THEMIS: variants seen among roughly 807,000 people sequenced by gnomAD.
The protein encoded by THEMIS is protein THEMIS.
Under a neutral mutation model 52.6 loss-of-function variants are expected in THEMIS, and 37 were observed. That is an observed-to-expected ratio of 0.70 (90% CI 0.54 to 0.93). The LOEUF is 0.93. Ranked by LOEUF, THEMIS falls within the 40% of genes least tolerant of loss-of-function variation. The probability of loss-of-function intolerance (pLI) is 0.00; values close to 1 mark genes in which losing one functional copy is unlikely to be tolerated. For synonymous variants in THEMIS, 292 were observed against 272.7 expected (o/e 1.07, Z -0.70); for missense variants, 808 against 763.1 (o/e 1.06, Z -0.69).
intron 4 of THEMIS, among the ~76,000 whole-genome samples, chr6:127,783,847 A>G (rs1171709967): frequency 6.6e-6 from 1 of 152,194 alleles, no homozygotes; most frequent in Non-Finnish European, 1.5e-5. Context: ...AAGGATCTAG[A>G]ACCTGAAATA....
intron 4 of THEMIS, among the ~76,000 whole-genome samples, chr6:127,801,491 A>C (rs1777533451): frequency 6.6e-6 from 1 of 152,186 alleles, no homozygotes; most frequent in South Asian, 2.1e-4. Flanking sequence ...CTGGAAAAGA[A>C]TGGGACCCTG....
chr6:127,897,164 A>C (rs890534466), intron 1 of THEMIS, among the ~76,000 whole-genome samples: 4 of 151,442 alleles, frequency 2.6e-5, no homozygotes, highest in African/African-American at 7.2e-5. Flanking sequence ...AAACCCAGAT[A>C]GACTACAGAT....
At chr6:127,723,952 A>G (rs1774452082) in intron 4 of THEMIS, among the ~76,000 whole-genome samples, 1 of 152,080 alleles carries the variant, frequency 6.6e-6, no homozygotes. Flanking sequence ...CTCTCATCTC[A>G]GGGTTTTAAA....
intron 1 of THEMIS, among the ~76,000 whole-genome samples, chr6:127,895,163 T>G (rs897228984): frequency 6.6e-6 from 1 of 151,252 alleles, no homozygotes; most frequent in Non-Finnish European, 1.5e-5. Flanking sequence ...AAGCAAAGAA[T>G]AGTTGGGAAC....
chr6:127,813,144 C>A lies in THEMIS; in HGVS notation c.1497G>T (p.Thr499=). The A allele has an allele frequency of 6.2e-7, 1 of 1,614,060 alleles. No homozygotes were observed. Among genetic ancestry groups the A allele is most frequent in the Non-Finnish European group, 8.5e-7 (1 of 1,180,006 alleles). The change falls in exon 4 of 6, where the codon ACG becomes ACT. Residue 499 remains threonine, a synonymous_variant. Transcript: ENST00000368248. The stretch of plus-strand genomic sequence containing the variant: ...GGCCCACAGGAATTTCCCAGCACTC[C>A]GTGGGGTTGGCAAAGTCACTTATGA... ...YLLISDFANP[T]ECWEIPVGRL...
chr6:127,744,988 A>AT (rs1355565620), intron 4 of THEMIS, among the ~76,000 whole-genome samples: 1 of 151,976 alleles, frequency 6.6e-6, no homozygotes, highest in East Asian at 1.9e-4. Flanking sequence ...TATACCTTAA[A>AT]TATGTACAGT....
chr6:127,887,355 A>T (rs1780677656), intron 1 of THEMIS, among the ~76,000 whole-genome samples: 1 of 152,134 alleles, frequency 6.6e-6, no homozygotes, highest in African/African-American at 2.4e-5. Context: ...GGGAGAAAAT[A>T]CCAAGTCTTA....
the THEMIS span, among the ~76,000 whole-genome samples, chr6:127,697,247 C>A: frequency 6.6e-6 from 1 of 152,100 alleles, no homozygotes; most frequent in Non-Finnish European, 1.5e-5. Context: ...TCCTTGACTC[C>A]TCTCTATTTC....
chr6:127,762,950 T>C (rs965727124), intron 4 of THEMIS, among the ~76,000 whole-genome samples: 7 of 151,848 alleles, frequency 4.6e-5, no homozygotes, highest in African/African-American at 1.7e-4. Context: ...GCTGTTTATC[T>C]GCACTGAAAA....
chr6:127,847,720 C>A (rs1022772050), intron 2 of THEMIS, among the ~76,000 whole-genome samples: 13 of 151,774 alleles, frequency 8.6e-5, no homozygotes, highest in African/African-American at 3.1e-4. Context: ...CCACACTGCC[C>A]AAAGGAATCT....
intron 1 of THEMIS, among the ~76,000 whole-genome samples, chr6:127,899,768 T>C (rs1457077525): frequency 6.6e-6 from 1 of 151,432 alleles, no homozygotes; most frequent in Non-Finnish European, 1.5e-5. Context: ...AATAGAGACA[T>C]TGATAATATG....
intron 1 of THEMIS, among the ~76,000 whole-genome samples, chr6:127,858,848 AC>A (rs1779703833): frequency 6.6e-6 from 1 of 152,164 alleles, no homozygotes; most frequent in African/African-American, 2.4e-5. Flanking sequence ...GAAAGCTGGA[AC>A]AAAGCAGCCT....
At chr6:127,699,045 A>G in the THEMIS span, among the ~76,000 whole-genome samples, 2 of 113,996 alleles carry the variant, frequency 1.8e-5, no homozygotes, top group South Asian at 2.3e-4. Flanking sequence ...CACTCTCTTC[A>G]TATTTCTAGG....
At chr6:127,851,647 G>A (rs546419429) in intron 2 of THEMIS, among the ~76,000 whole-genome samples, 1 of 151,800 alleles carries the variant, frequency 6.6e-6, no homozygotes, top group South Asian at 2.1e-4. Flanking sequence ...TATACCATAG[G>A]CGTCTACTTA....
intron 4 of THEMIS, among the ~76,000 whole-genome samples, chr6:127,757,082 A>G (rs944399564): frequency 6.6e-6 from 1 of 152,320 alleles, no homozygotes; most frequent in East Asian, 1.9e-4. Context: ...CTGTTTCTCC[A>G]TTACACTAGC....
chr6:127,780,234 T>C lies in THEMIS; in HGVS notation c.1758+32649A>G, dbSNP rs1776699119. Among the ~76,000 whole-genome samples the C allele has an allele frequency of 2.6e-5, 4 of 152,328 alleles. No homozygotes were observed. In the South Asian group the frequency reaches 8.3e-4, roughly 32 times the overall value. Reference sequence around the variant, plus strand: ...ATGTTTGCAGGCCCTGCTTTTTATTTTTCTTTCTCTTTGCTTGGTAAATAT... The same window carrying C: ...ATGTTTGCAGGCCCTGCTTTTTATTCTTCTTTCTCTTTGCTTGGTAAATAT... On this transcript the variant is annotated intron_variant, in intron 4 of 5. Coordinates refer to ENST00000368248, the MANE Select transcript of THEMIS (RefSeq NM_001010923.3).
intron 1 of THEMIS, among the ~76,000 whole-genome samples, chr6:127,915,619 A>AGAGAGAGAGAGAGAGAG (rs1781508439): frequency 7.2e-6 from 1 of 138,860 alleles, no homozygotes; most frequent in African/African-American, 2.7e-5. Flanking sequence ...AGAGAGAGAG[A>AGAGAGAGAGAGAGAGAG]ACTTGAGCTA....
Position 127,829,797 on chromosome 6 carries a change from T to C in THEMIS, c.388A>G (p.Ile130Val), listed in dbSNP as rs1778636736. The C allele has an allele frequency of 1.2e-6, 2 of 1,614,058 alleles. No individual in the cohort carries two copies. The highest frequency in any genetic ancestry group is 1.7e-6 in the Non-Finnish European group (2 of 1,180,024). Residue 130 changes from isoleucine (I) to valine (V), a missense_variant, in exon 3 of 6, where the codon ATA becomes GTA. Ile to Val is a conservative substitution (Grantham distance 29). Transcript: ENST00000368248. ...QKDIKLENLI[I>V]KQGEQIMLNS... ...AGCATGATTTGCTCACCCTGCTTTA[T>C]GATGAGGTTCTCTAGTTTTATATCC... is the stretch of plus-strand genomic sequence containing the variant.
intron 1 of THEMIS, among the ~76,000 whole-genome samples, chr6:127,891,538 CAAAAA>C (rs67886431): frequency 2.1e-5 from 2 of 96,832 alleles, no homozygotes; most frequent in African/African-American, 3.9e-5. Context: ...TCCAGCTCAA[CAAAAA>C]AAAAAAAAAA....
Sources: gnomAD v4.1 joint callset for allele counts (sites outside exome capture counted in the v4.1 genomes callset) on GRCh38, gnomAD v4.1.1 for gene constraint, MANE v1.5 for transcripts, NCBI Gene and HGNC (gene_info 2026-07-23, HGNC 2026-07-21) for gene names.